KIAA0319L: variants seen among roughly 807,000 people sequenced by gnomAD.
The protein encoded by KIAA0319L is dyslexia-associated protein KIAA0319-like protein.
KIAA0319L carries 55 observed loss-of-function variants against 120.1 expected under a neutral mutation model. The ratio of observed to expected loss-of-function variants is 0.46; its 90% CI spans 0.37 to 0.57. KIAA0319L has a LOEUF of 0.57. KIAA0319L is among the 20% of genes least tolerant of loss of function. KIAA0319L has a pLI of 0.00. For missense variants in KIAA0319L, 1,049 were observed against 1,255.3 expected (o/e 0.84, Z 2.48); for synonymous variants, 398 against 471.9 (o/e 0.84, Z 2.03).
intron 2 of KIAA0319L, among the ~76,000 whole-genome samples, chr1:35,529,873 C>G (rs189905508): frequency 6.6e-6 from 1 of 152,162 alleles, no homozygotes; most frequent in African/African-American, 2.4e-5. Flanking sequence ...AAGTTTAAAG[C>G]TATTATTTTG....
intron 2 of KIAA0319L, among the ~76,000 whole-genome samples, chr1:35,527,443 C>A (rs1202670019): frequency 6.6e-6 from 1 of 152,130 alleles, no homozygotes; most frequent in Non-Finnish European, 1.5e-5. Flanking sequence ...GTTTCTGCGT[C>A]TTCTATTTCT....
chr1:35,472,999 T>C (rs1643719558), intron 5 of KIAA0319L, among the ~76,000 whole-genome samples: 2 of 150,420 alleles, frequency 1.3e-5, no homozygotes, highest in South Asian at 2.1e-4. Context: ...CAGGCTGGTC[T>C]TGAACTCCTG....
At chr1:35,462,856 G>T in intron 7 of KIAA0319L, 143 bp from the exon 8 acceptor site, 7 of 580,508 alleles carry the variant, frequency 1.2e-5, no homozygotes, top group East Asian at 3.4e-5. Context: ...TTTTGTGGAA[G>T]ACAATTTTTC....
rs367666460 is a variant in KIAA0319L, at chr1:35,480,459, G to A, written c.667-1247C>T. Reference sequence around the variant, plus strand: ...ATCCAAATGAGAAATAATGAGTAGCGAAACAAGGGTGGTGGTATGGATTTT... The same window carrying A: ...ATCCAAATGAGAAATAATGAGTAGCAAAACAAGGGTGGTGGTATGGATTTT... On this transcript the variant is annotated intron_variant, in intron 3 of 20. Transcript: ENST00000325722. Among the ~76,000 whole-genome samples the A allele has an allele frequency of 6.0e-4, 92 of 152,220 alleles. 1 individual carries two copies. In the South Asian group the frequency reaches 0.017, roughly 28 times the overall value.
At position 35,552,615 on chromosome 1, in the gene KIAA0319L, T is replaced by C. The variant is rs1034685547; in HGVS notation, c.142+1735A>G. On this transcript the variant is annotated intron_variant, in intron 2 of 20. Coordinates refer to ENST00000325722, the MANE Select transcript of KIAA0319L (RefSeq NM_024874.5). ...AATGTTTACAATTAGGAGTCTGGTATGTGGTAGGTGTGCTTCAAAAAATGT... is the reference window on the plus strand; with the variant it reads ...AATGTTTACAATTAGGAGTCTGGTACGTGGTAGGTGTGCTTCAAAAAATGT... Among the ~76,000 whole-genome samples the C allele has an allele frequency of 2.0e-5, 3 of 152,246 alleles. No homozygotes were observed. The South Asian group carries it at 6.2e-4, about 32-fold the overall frequency.
rs567901882 is a variant in KIAA0319L, at chr1:35,437,986, C to T, written c.2963-2905G>A. On this transcript the variant is annotated intron_variant, in intron 20 of 20. Transcript: ENST00000325722. This position sits in a 1 kb window ranked among gnomAD's most constrained non-coding sequence, Gnocchi z 4.1. ...ACCTAGCTATAACCCACTGACACCACGCTGTGTGAATCACTGTCAGCTCCT... is the reference window on the plus strand; with the variant it reads ...ACCTAGCTATAACCCACTGACACCATGCTGTGTGAATCACTGTCAGCTCCT... Among the ~76,000 whole-genome samples the T allele has an allele frequency of 2.6e-5, 4 of 152,192 alleles. No homozygotes were observed. Among genetic ancestry groups the T allele is most frequent in the East Asian group, 1.9e-4 (1 of 5,198 alleles).
In KIAA0319L at chr1:35,471,549, A is replaced by G. The variant is rs564861597; in HGVS notation, c.1016-589T>C. On this transcript the variant is annotated intron_variant, in intron 5 of 20. Coordinates refer to ENST00000325722, the MANE Select transcript of KIAA0319L (RefSeq NM_024874.5). ...AGTGAAATTAATTAAAATCAAATGA[A>G]GCATTAAATGGTACCCACTTGCAGG... Among the ~76,000 whole-genome samples, 24 of 152,258 alleles carry G rather than the reference A, an allele frequency of 1.6e-4. No individual in the cohort carries two copies. In the South Asian group the frequency reaches 5.0e-3, roughly 32 times the overall value.
At chr1:35,438,469 A>G (rs1640952453) in intron 20 of KIAA0319L, 1 of 150,166 alleles carries the variant, frequency 6.7e-6, no homozygotes, top group Non-Finnish European at 1.5e-5. Context: ...ACTTCCTTTC[A>G]GCTAGCCTTT....
chr1:35,485,153 T>G (rs1644340470), intron 3 of KIAA0319L, among the ~76,000 whole-genome samples: 1 of 152,130 alleles, frequency 6.6e-6, no homozygotes, highest in Non-Finnish European at 1.5e-5. Context: ...GGTTGAAAAC[T>G]AGAGGCTTCA....
intron 8 of KIAA0319L, among the ~76,000 whole-genome samples, chr1:35,461,752 C>T (rs544456497): frequency 3.9e-5 from 6 of 152,224 alleles, no homozygotes; most frequent in South Asian, 2.1e-4. Flanking sequence ...AACAGTACAA[C>T]GTGAGCCCTT....
At chr1:35,451,304 TA>T (rs1314437084) in intron 13 of KIAA0319L, among the ~76,000 whole-genome samples, 1 of 151,660 alleles carries the variant, frequency 6.6e-6, no homozygotes, top group Non-Finnish European at 1.5e-5. Context: ...AGGGGCAAAA[TA>T]AAAATGCAAA....
intron 2 of KIAA0319L, among the ~76,000 whole-genome samples, chr1:35,536,487 C>T (rs540217916): frequency 2.6e-4 from 40 of 152,332 alleles, no homozygotes; most frequent in African/African-American, 9.1e-4. Flanking sequence ...CCATGCATCA[C>T]TGATGACATC....
At chr1:35,443,568 A>T (rs754063225) in intron 17 of KIAA0319L, among the ~76,000 whole-genome samples, 1 of 152,062 alleles carries the variant, frequency 6.6e-6, no homozygotes, top group African/African-American at 2.4e-5. Context: ...GCTATTTGGG[A>T]GGCTGAGGCA....
chr1:35,486,455 ATATTTGGTTTTAAC>A (rs1169055289), intron 3 of KIAA0319L, among the ~76,000 whole-genome samples: 1 of 151,892 alleles, frequency 6.6e-6, no homozygotes, highest in African/African-American at 2.4e-5. Flanking sequence ...TATGTTAAAA[ATATTTGGTTTTAAC>A]AATTTTGCCC....
At position 35,462,699 on chromosome 1, in the gene KIAA0319L, G is replaced by C. The variant is rs772141064; in HGVS notation, c.1216C>G (p.Arg406Gly). The C allele has an allele frequency of 9.9e-6, 16 of 1,613,780 alleles. No homozygotes were observed. The part of the protein sequence containing the change: ...VTVKPEPRKN[R>G]PPIAIVSPQF... The stretch of plus-strand genomic sequence containing the variant: ...GGTGACACAATAGCAATGGGGGGCC[G>C]ATTCTTACGGGGCTCTGCAAGAAAG... The change falls in exon 8 of 21, where the codon CGG (arginine) becomes GGG (glycine). Residue 406 changes from arginine to glycine, a missense_variant. Arg to Gly is a moderately radical substitution (Grantham distance 125, BLOSUM62 -2). Coordinates refer to ENST00000325722, the MANE Select transcript of KIAA0319L (RefSeq NM_024874.5).
intron 1 of KIAA0319L, 114 bp from the exon 2 acceptor site, chr1:35,554,633 T>C (rs563025409): frequency 2.9e-6 from 2 of 685,026 alleles, no homozygotes; most frequent in South Asian, 5.5e-5. Context: ...TTCAAGTTTG[T>C]CTTTAACGGC....
At chr1:35,535,529 G>GT (rs1016729508) in intron 2 of KIAA0319L, among the ~76,000 whole-genome samples, 1 of 151,986 alleles carries the variant, frequency 6.6e-6, no homozygotes, top group African/African-American at 2.4e-5. Context: ...AAATTCCTTA[G>GT]TTTTTTCATG....
chr1:35,487,095 C>T (rs1231673232), intron 3 of KIAA0319L, among the ~76,000 whole-genome samples: 2 of 151,980 alleles, frequency 1.3e-5, no homozygotes, highest in African/African-American at 2.4e-5. Context: ...TTTGGTTTAA[C>T]GTTGGACATT....
rs1158875296 is a variant in KIAA0319L, at chr1:35,437,759, C to T, written c.2963-2678G>A. ...CTTCTTTTGTCCTTCAACATTCCCC[C>T]ATAAGGGATGTGACCCTTTGTGGTG... On this transcript the variant is annotated intron_variant, in intron 20 of 20. Coordinates refer to ENST00000325722, the MANE Select transcript of KIAA0319L (RefSeq NM_024874.5). This position sits in a 1 kb window ranked among gnomAD's most constrained non-coding sequence, Gnocchi z 4.1. Among the ~76,000 whole-genome samples, 1 of 152,220 alleles carries T rather than the reference C, an allele frequency of 6.6e-6. No homozygotes were observed. Among genetic ancestry groups the T allele is most frequent in the South Asian group, 2.1e-4 (1 of 4,830 alleles).
Sources: gnomAD v4.1 joint callset for allele counts (sites outside exome capture counted in the v4.1 genomes callset) on GRCh38, gnomAD v4.1.1 for gene constraint, Gnocchi (gnomAD v3.1) non-coding constraint, MANE v1.5 for transcripts, NCBI Gene and HGNC (gene_info 2026-07-23, HGNC 2026-07-21) for gene names.